The following SLC37A1 variants were observed in gnomAD, a reference collection of about 807,000 sequenced individuals.
SLC37A1 encodes solute carrier family 37 member 1.
A neutral mutation model predicts 75.3 loss-of-function variants in SLC37A1; 49 were observed. The observed-to-expected ratio is 0.65, with a 90% CI of 0.52 to 0.83. The LOEUF (loss-of-function observed/expected upper bound fraction) is 0.83, where lower values mean the gene tolerates loss of function less well. SLC37A1 is among the 40% of genes least tolerant of loss of function. The pLI is 0.00. For missense variants in SLC37A1, 566 were observed against 695.0 expected, an observed-to-expected ratio of 0.81 and a Z score of 2.09; for synonymous variants, 268 against 292.1, an observed-to-expected ratio of 0.92 and a Z score of 0.84.
chr21:42,510,791 A>C (rs368277957), upstream of SLC37A1, among the ~76,000 whole-genome samples: 16 of 152,354 alleles, frequency 1.1e-4, 4 homozygotes, highest in East Asian at 1.9e-4. Flanking sequence ...TAAAGAGATA[A>C]ATTCATCAAG....
intron 5 of SLC37A1, among the ~76,000 whole-genome samples, chr21:42,536,569 G>A (rs1053980329): frequency 1.3e-4 from 20 of 152,206 alleles, no homozygotes; most frequent in Non-Finnish European, 4.4e-5. Flanking sequence ...GAAAAAAGGT[G>A]TATTTAGCTT....
At chr21:42,555,877 C>T (rs1049579586) in intron 10 of SLC37A1, among the ~76,000 whole-genome samples, 1 of 152,266 alleles carries the variant, frequency 6.6e-6, no homozygotes, top group African/African-American at 2.4e-5. Context: ...ATGCTGACCT[C>T]GCTTACGTGG....
chr21:42,567,191 T>A, intron 16 of SLC37A1, 133 bp downstream of exon 16: 1 of 851,848 alleles, frequency 1.2e-6, no homozygotes, highest in Non-Finnish European at 1.9e-6. Context: ...CCTACACCTG[T>A]GGTCTCCAGC....
chr21:42,536,708 C>T (rs973285909), intron 5 of SLC37A1, among the ~76,000 whole-genome samples: 2 of 152,200 alleles, frequency 1.3e-5, no homozygotes, highest in Non-Finnish European at 2.9e-5. Flanking sequence ...GCAGGGCATA[C>T]AAAACAGACA....
rs1263872916 is a variant in SLC37A1, at chr21:42,580,365, C to T, written c.*5C>T. 1 of 1,613,066 alleles carries T rather than the reference C, an allele frequency of 6.2e-7. No individual in the cohort carries two copies. The highest frequency in any genetic ancestry group is 8.5e-7 in the Non-Finnish European group (1 of 1,179,740). ...TTCAGATTTAAGGAACAGTGACACC[C>T]CACCCCAGTCCCGTGGAGGGGGTCT... On this transcript the variant is annotated 3_prime_UTR_variant, in exon 20 of 20. Transcript: ENST00000352133.
rs79029257 is a variant in SLC37A1 at position 42,574,494 on chromosome 21, G to T, written c.1424-324G>T. Among the ~76,000 whole-genome samples the T allele has an allele frequency of 1.6e-3, 238 of 152,274 alleles. 5 individuals are homozygous for T. The East Asian group carries it at 0.036, about 23-fold the overall frequency. ...GTGGTTATGTCTTTTTATTTTTTCA[G>T]ATTGTGGGATATTTGCATTACACTG... is the stretch of plus-strand genomic sequence containing the variant. On this transcript the variant is annotated intron_variant, in intron 17 of 19. Transcript: ENST00000352133.
At chr21:42,507,586 A>G (rs770024808) in intron 2 of SLC37A1, among the ~76,000 whole-genome samples, 15 of 152,296 alleles carry the variant, frequency 9.8e-5, no homozygotes, top group Non-Finnish European at 1.8e-4. Context: ...GTAATTTATA[A>G]AGAAAAGAGG....
At chr21:42,569,939 C>T (rs917527897) in intron 17 of SLC37A1, among the ~76,000 whole-genome samples, 3 of 152,164 alleles carry the variant, frequency 2.0e-5, no homozygotes, top group East Asian at 1.9e-4. Flanking sequence ...CCCAGCTCCA[C>T]GCTGCTGCTG....
intron 3 of SLC37A1, among the ~76,000 whole-genome samples, chr21:42,532,206 C>G (rs188377738): frequency 6.6e-6 from 1 of 152,156 alleles, no homozygotes; most frequent in Admixed American, 6.5e-5. Context: ...CATAACAAAA[C>G]TAGGAAAACT....
At chr21:42,556,679 G>A (rs1214530298) in intron 10 of SLC37A1, among the ~76,000 whole-genome samples, 1 of 152,178 alleles carries the variant, frequency 6.6e-6, no homozygotes, top group African/African-American at 2.4e-5. Flanking sequence ...GACACAGACT[G>A]GAAACTGCTT....
intron 5 of SLC37A1, among the ~76,000 whole-genome samples, chr21:42,536,243 G>T (rs1051848896): frequency 3.9e-5 from 6 of 152,194 alleles, no homozygotes; most frequent in African/African-American, 1.4e-4. Flanking sequence ...ACCTCTTTGG[G>T]CCTCAGTTTC....
chr21:42,520,696 G>A (rs933122470), intron 2 of SLC37A1, among the ~76,000 whole-genome samples: 1 of 152,174 alleles, frequency 6.6e-6, no homozygotes, highest in East Asian at 1.9e-4. Flanking sequence ...GAGGTCCTGG[G>A]AACAGTAAGA....
intron 1 of SLC37A1, among the ~76,000 whole-genome samples, chr21:42,517,082 C>T (rs949019629): frequency 6.6e-6 from 1 of 152,236 alleles, no homozygotes; most frequent in African/African-American, 2.4e-5. Flanking sequence ...CCTTGCCCTG[C>T]AGTCCCGGGC....
At chr21:42,528,616 A>G (rs2054861065) in intron 3 of SLC37A1, among the ~76,000 whole-genome samples, 2 of 152,344 alleles carry the variant, frequency 1.3e-5, no homozygotes, top group South Asian at 4.1e-4. Context: ...ACCTGAGGTC[A>G]GGAGTTCAAG....
At chr21:42,553,313 C>A (rs1210180882) in intron 9 of SLC37A1, among the ~76,000 whole-genome samples, 1 of 152,212 alleles carries the variant, frequency 6.6e-6, no homozygotes, top group Non-Finnish European at 1.5e-5. Context: ...TAACATCTTT[C>A]TAAGTACAGA....
chr21:42,521,344 A>G lies in SLC37A1; in HGVS notation c.56+2834A>G, dbSNP rs557588655. On this transcript the variant is annotated intron_variant, in intron 2 of 19. Coordinates refer to ENST00000352133, the MANE Select transcript of SLC37A1 (RefSeq NM_001320537.2). ...CAGAAAACATAGACAGAATTACAAA[A>G]TAAAAAAGGATTTTGGGAGGGCTGT... Among the ~76,000 whole-genome samples the G allele has an allele frequency of 1.1e-4, 17 of 152,376 alleles. 1 individual carries two copies. The highest frequency in any genetic ancestry group is 4.1e-4 in the African/African-American group (17 of 41,602).
intron 3 of SLC37A1, among the ~76,000 whole-genome samples, chr21:42,526,700 C>T (rs1212165944): frequency 1.3e-5 from 2 of 152,230 alleles, no homozygotes; most frequent in Middle Eastern, 3.2e-3. Context: ...CCCCACTCTC[C>T]AGCAGCTTTC....
In SLC37A1 at chr21:42,564,777, T is replaced by C. The variant is rs1447162898; in HGVS notation, c.1205T>C (p.Leu402Pro). The change falls in exon 14 of 20, where the codon CTG becomes CCG. Residue 402 changes from leucine to proline, a missense_variant. Transcript: ENST00000352133. ...KRASTCGLML[L>P]LAAPTLYIFS... Reference sequence around the variant, plus strand: ...GCCTCCACCTGCGGCCTGATGCTGCTGCTCGCGGCCCCCACGGTCAGCCGT... The same window carrying C: ...GCCTCCACCTGCGGCCTGATGCTGCCGCTCGCGGCCCCCACGGTCAGCCGT... 3 of 1,606,634 alleles carry C rather than the reference T, an allele frequency of 1.9e-6. No homozygotes were observed. Among genetic ancestry groups the C allele is most frequent in the Non-Finnish European group, 1.7e-6 (2 of 1,179,950 alleles).
chr21:42,548,311 A>G lies in SLC37A1; in HGVS notation c.768+1171A>G, dbSNP rs1182429673. On this transcript the variant is annotated intron_variant, in intron 9 of 19. Coordinates refer to ENST00000352133, the MANE Select transcript of SLC37A1 (RefSeq NM_001320537.2). The surrounding 1 kb of genome is among the most constrained non-coding windows in gnomAD (Gnocchi z 5.6). The stretch of plus-strand genomic sequence containing the variant: ...ACCACCACTCAACCTTCCCACGGAG[A>G]TGTCTGAGTGTCCTTCAGACTTAAC... Among the ~76,000 whole-genome samples the G allele has an allele frequency of 6.6e-6, 1 of 152,042 alleles. No homozygotes were observed. Among genetic ancestry groups the G allele is most frequent in the Non-Finnish European group, 1.5e-5 (1 of 67,994 alleles).
Sources: allele counts gnomAD v4.1 joint callset (sites outside exome capture counted in the v4.1 genomes callset), GRCh38; gene constraint gnomAD v4.1.1; non-coding constraint Gnocchi (gnomAD v3.1); transcripts MANE v1.5; gene names NCBI Gene and HGNC (gene_info 2026-07-23, HGNC 2026-07-21).